TRAK1: variants seen among roughly 807,000 people sequenced by gnomAD.
TRAK1 encodes trafficking kinesin protein 1.
TRAK1 carries 33 observed loss-of-function variants against 92.1 expected under a neutral mutation model. That is an observed-to-expected ratio of 0.36 (90% CI 0.27 to 0.48). The LOEUF (loss-of-function observed/expected upper bound fraction) is 0.48, where lower values mean the gene tolerates loss of function less well. Ranked by LOEUF, TRAK1 falls within the 20% of genes least tolerant of loss-of-function variation. TRAK1 has a pLI of 0.99. For missense variants in TRAK1, 1,123 were observed against 1,257.9 expected, an observed-to-expected ratio of 0.89 and a Z score of 1.62; for synonymous variants, 521 against 517.3, an observed-to-expected ratio of 1.01 and a Z score of -0.10.
At chr3:42,177,996 G>C (rs1379145986) in intron 3 of TRAK1, among the ~76,000 whole-genome samples, 1 of 152,168 alleles carries the variant, frequency 6.6e-6, no homozygotes, top group Non-Finnish European at 1.5e-5. Context: ...TTTGGTGTTA[G>C]CCACGTGGCA....
At chr3:42,053,408 G>A (rs1703068622) in intron 1 of TRAK1, among the ~76,000 whole-genome samples, 1 of 150,986 alleles carries the variant, frequency 6.6e-6, no homozygotes, top group Admixed American at 6.6e-5. Flanking sequence ...CAAAGGGGGA[G>A]GGTAAAAGAG....
intron 14 of TRAK1, chr3:42,218,337 C>T: frequency 1.0e-6 from 1 of 984,704 alleles, no homozygotes; most frequent in Non-Finnish European, 1.2e-6. Context: ...GATTCTAGTT[C>T]ACAGCCTTTT....
chr3:42,201,159 C>T, intron 12 of TRAK1, 105 bp downstream of exon 12: 1 of 1,266,264 alleles, frequency 7.9e-7, no homozygotes, highest in South Asian at 1.3e-5. Flanking sequence ...ATGAGAGTCA[C>T]CTGAAAAATA....
At chr3:42,114,843 G>A (rs1708963827) in intron 1 of TRAK1, among the ~76,000 whole-genome samples, 2 of 152,062 alleles carry the variant, frequency 1.3e-5, no homozygotes, top group South Asian at 2.1e-4. Context: ...CTCCCAAGTA[G>A]CTGGGATTAC....
chr3:42,049,572 A>G (rs1443962565), intron 1 of TRAK1, among the ~76,000 whole-genome samples: 1 of 150,676 alleles, frequency 6.6e-6, no homozygotes, highest in Non-Finnish European at 1.5e-5. Flanking sequence ...TCCTCCTCTC[A>G]TTGTCCCTCT....
intron 1 of TRAK1, among the ~76,000 whole-genome samples, chr3:42,066,274 T>C (rs1186142925): frequency 6.6e-6 from 1 of 152,128 alleles, no homozygotes; most frequent in Non-Finnish European, 1.5e-5. Context: ...TACAGTGAGC[T>C]GAGATTGTGC....
intron 2 of TRAK1, among the ~76,000 whole-genome samples, chr3:42,166,565 T>G (rs1373923513): frequency 1.3e-5 from 2 of 152,210 alleles, no homozygotes; most frequent in Non-Finnish European, 2.9e-5. Context: ...GTTGTGGGCT[T>G]CTTCTGAGTT....
At chr3:42,079,568 C>A (rs1013824970) in intron 1 of TRAK1, among the ~76,000 whole-genome samples, 1 of 148,686 alleles carries the variant, frequency 6.7e-6, no homozygotes, top group Non-Finnish European at 1.5e-5. Flanking sequence ...GCAACCTCTG[C>A]CTTCGGGTTC....
chr3:42,207,980 A>G (rs1396605549), intron 13 of TRAK1, among the ~76,000 whole-genome samples: 1 of 152,206 alleles, frequency 6.6e-6, no homozygotes, highest in Admixed American at 6.5e-5. Flanking sequence ...CATTAGCACC[A>G]GATGCCGTTC....
At chr3:42,163,459 C>G (rs1348397294) in intron 2 of TRAK1, among the ~76,000 whole-genome samples, 3 of 151,942 alleles carry the variant, frequency 2.0e-5, no homozygotes, top group Admixed American at 1.3e-4. Flanking sequence ...GTCCCAGCTA[C>G]TCGGGAGGCT....
intron 1 of TRAK1, among the ~76,000 whole-genome samples, chr3:42,113,209 CT>C (rs1331082730): frequency 6.6e-6 from 1 of 152,180 alleles, no homozygotes; most frequent in Non-Finnish European, 1.5e-5. Context: ...CATCACTGCA[CT>C]TCAGCCTAGG....
At chr3:42,070,897 G>T (rs988547679) in intron 1 of TRAK1, among the ~76,000 whole-genome samples, 2 of 152,184 alleles carry the variant, frequency 1.3e-5, no homozygotes, top group East Asian at 3.8e-4. Flanking sequence ...TAGCATGTTT[G>T]CCAGGAGCTA....
At chr3:42,102,902 T>C (rs761490101) in intron 1 of TRAK1, among the ~76,000 whole-genome samples, 1 of 152,214 alleles carries the variant, frequency 6.6e-6, no homozygotes, top group Non-Finnish European at 1.5e-5. Context: ...TCAGTACGTG[T>C]GCTCAGCAGG....
chr3:42,217,226 C>G, intron 14 of TRAK1: 1 of 984,846 alleles, frequency 1.0e-6, no homozygotes. Flanking sequence ...CTCACTGTCT[C>G]TCTGTTGTGT....
intron 1 of TRAK1, among the ~76,000 whole-genome samples, chr3:42,118,679 T>TA (rs1709472504): frequency 1.3e-5 from 2 of 152,250 alleles, no homozygotes; most frequent in South Asian, 4.1e-4. Flanking sequence ...CTTCACTCCC[T>TA]GGTGGCCCTA....
chr3:42,117,554 GGTGA>G (rs1412988053), intron 1 of TRAK1, among the ~76,000 whole-genome samples: 1 of 151,878 alleles, frequency 6.6e-6, no homozygotes, highest in African/African-American at 2.4e-5. Context: ...CTGCCAACTG[GGTGA>G]GTGTCTAGGG....
At chr3:42,191,453 GC>G in intron 6 of TRAK1, 104 bp from the exon 7 acceptor site, 1 of 923,148 alleles carries the variant, frequency 1.1e-6, no homozygotes, top group Non-Finnish European at 1.6e-6. Context: ...AATGCTAAGG[GC>G]AGCTTCCCAG....
intron 1 of TRAK1, among the ~76,000 whole-genome samples, chr3:42,078,199 C>T (rs1466440679): frequency 6.6e-6 from 1 of 152,102 alleles, no homozygotes; most frequent in Non-Finnish European, 1.5e-5. Context: ...AACATGGGGG[C>T]TCCAGAGACA....
chr3:42,177,155 A>G (rs1392196140), intron 3 of TRAK1, among the ~76,000 whole-genome samples: 2 of 152,272 alleles, frequency 1.3e-5, no homozygotes, highest in Non-Finnish European at 2.9e-5. Flanking sequence ...AGTTGTAAGT[A>G]TAAAAAATCC....
Sources: allele counts gnomAD v4.1 joint callset (sites outside exome capture counted in the v4.1 genomes callset), GRCh38; gene constraint gnomAD v4.1.1; transcripts MANE v1.5; gene names NCBI Gene and HGNC (gene_info 2026-07-23, HGNC 2026-07-21).